The following PDE1C variants were observed in gnomAD, a reference collection of about 807,000 sequenced individuals.
PDE1C encodes phosphodiesterase 1C, also known as dual specificity calcium/calmodulin-dependent 3',5'-cyclic nucleotide phosphodiesterase 1C.
A neutral mutation model predicts 93.1 loss-of-function variants in PDE1C; 62 were observed. That is an observed-to-expected ratio of 0.67 (90% CI 0.54 to 0.82). The LOEUF is 0.82. PDE1C is among the 40% of genes least tolerant of loss of function. The pLI is 0.00. For synonymous variants in PDE1C, 325 were observed against 310.1 expected (o/e 1.05, Z -0.50); for missense variants, 742 against 884.6 (o/e 0.84, Z 2.04).
intron 16 of PDE1C, among the ~76,000 whole-genome samples, chr7:31,802,587 C>CAT (rs1786205987): frequency 1.3e-5 from 2 of 151,622 alleles, no homozygotes; most frequent in Non-Finnish European, 3.0e-5. Flanking sequence ...AAATTTCTTG[C>CAT]ATGGTGCGTC....
intron 3 of PDE1C, among the ~76,000 whole-genome samples, chr7:32,130,397 C>A (rs909090088): frequency 3.3e-5 from 5 of 152,172 alleles, no homozygotes; most frequent in South Asian, 2.1e-4. Flanking sequence ...TCCTCTCCTC[C>A]CTTTCTCTCC....
At chr7:31,646,752 C>T in the PDE1C span, among the ~76,000 whole-genome samples, 14 of 152,254 alleles carry the variant, frequency 9.2e-5, no homozygotes, top group African/African-American at 3.1e-4. Context: ...CAGTAACTGT[C>T]CTCAGACGTG....
At chr7:31,831,498 G>GCACA (rs56323846) in intron 11 of PDE1C, among the ~76,000 whole-genome samples, 2 of 148,978 alleles carry the variant, frequency 1.3e-5, no homozygotes, top group African/African-American at 5.0e-5. Flanking sequence ...ACACATGCAC[G>GCACA]CACACACACA....
At chr7:32,153,971 C>T (rs986565833) in intron 3 of PDE1C, among the ~76,000 whole-genome samples, 6 of 152,286 alleles carry the variant, frequency 3.9e-5, no homozygotes, top group East Asian at 3.9e-4. Context: ...TAAAAAAGTA[C>T]GGCCAGGCGC....
At chr7:31,691,797 T>TAAAAAAAAAA in the PDE1C span, among the ~76,000 whole-genome samples, 15 of 86,528 alleles carry the variant, frequency 1.7e-4, no homozygotes, top group African/African-American at 5.8e-4. Flanking sequence ...ATGTAATGAT[T>TAAAAAAAAAA]AAAAAAAAAA....
intron 2 of PDE1C, among the ~76,000 whole-genome samples, chr7:31,884,077 G>A (rs1191184689): frequency 6.6e-6 from 1 of 152,144 alleles, no homozygotes; most frequent in Admixed American, 6.6e-5. Context: ...TGTCTTTCCA[G>A]CTTATGAGAT....
At chr7:32,026,294 T>C (rs1181246119) in intron 2 of PDE1C, among the ~76,000 whole-genome samples, 3 of 152,158 alleles carry the variant, frequency 2.0e-5, no homozygotes, top group African/African-American at 7.2e-5. Flanking sequence ...CTGCAGCTTA[T>C]AGTTTTAGAT....
the PDE1C span, among the ~76,000 whole-genome samples, chr7:31,619,187 G>C: frequency 6.6e-6 from 1 of 152,194 alleles, no homozygotes; most frequent in Non-Finnish European, 1.5e-5. Context: ...GTACAGGCAA[G>C]GTGTCCTTTC....
At chr7:31,695,083 G>C in the PDE1C span, among the ~76,000 whole-genome samples, 1 of 152,120 alleles carries the variant, frequency 6.6e-6, no homozygotes, top group Non-Finnish European at 1.5e-5. Context: ...CTGGCCCTTG[G>C]GGTCTCCAAA....
intron 1 of PDE1C, among the ~76,000 whole-genome samples, chr7:32,329,277 TC>T (rs1264646163): frequency 6.6e-6 from 1 of 152,002 alleles, no homozygotes; most frequent in African/African-American, 2.4e-5. Flanking sequence ...GTTAAGCAGC[TC>T]TTTCACACTG....
At chr7:31,847,826 T>C in intron 9 of PDE1C, 142 bp downstream of exon 9, 1 of 783,108 alleles carries the variant, frequency 1.3e-6, no homozygotes, top group East Asian at 2.5e-5. Flanking sequence ...AAAGAGAGGG[T>C]GAGAGTGAGA....
rs116697846 is a variant in PDE1C, at chr7:31,817,862, G to T, written c.1583-1708C>A. Among the ~76,000 whole-genome samples, 562 of 152,254 alleles carry T rather than the reference G, an allele frequency of 3.7e-3. 4 individuals are homozygous for T. The highest frequency in any genetic ancestry group is 0.013 in the African/African-American group (537 of 41,558). On this transcript the variant is annotated intron_variant, in intron 14 of 17. Transcript: ENST00000396191. Reference sequence around the variant, plus strand: ...ACACGTTCACGAGGCTTTATGACATGTATTTTGTGAAAGTCTATGATATCT... The same window carrying T: ...ACACGTTCACGAGGCTTTATGACATTTATTTTGTGAAAGTCTATGATATCT...
At chr7:32,070,691 G>C, upstream of PDE1C, 2 of 1,256,426 alleles carry the variant, frequency 1.6e-6, no homozygotes, top group Non-Finnish European at 2.0e-6. Flanking sequence ...TTGGACTCCA[G>C]CTCCAAGAGA....
chr7:32,331,216 A>C (rs1562677160), intron 1 of PDE1C, among the ~76,000 whole-genome samples: 1 of 152,206 alleles, frequency 6.6e-6, no homozygotes, highest in East Asian at 1.9e-4. Flanking sequence ...CATCCTCAGA[A>C]GGATCCAAAA....
At chr7:31,777,703 T>C (rs1783108243) in intron 16 of PDE1C, among the ~76,000 whole-genome samples, 2 of 152,182 alleles carry the variant, frequency 1.3e-5, no homozygotes, top group Admixed American at 6.5e-5. Context: ...ACAAATGTTA[T>C]TGTTAATCAT....
At chr7:31,907,056 T>A (rs1357480663) in intron 2 of PDE1C, among the ~76,000 whole-genome samples, 1 of 128,200 alleles carries the variant, frequency 7.8e-6, no homozygotes, top group African/African-American at 2.6e-5. Flanking sequence ...AGCCAACCAT[T>A]TCTTGATATG....
the PDE1C span, among the ~76,000 whole-genome samples, chr7:31,670,214 C>T: frequency 6.6e-6 from 1 of 152,174 alleles, no homozygotes; most frequent in African/African-American, 2.4e-5. Context: ...GGAACATTTG[C>T]CAGTTGAGAA....
chr7:31,801,508 T>G (rs1312662300), intron 16 of PDE1C, among the ~76,000 whole-genome samples: 1 of 151,486 alleles, frequency 6.6e-6, no homozygotes, highest in African/African-American at 2.4e-5. Flanking sequence ...GGAATGCCAA[T>G]TATGTCAAGT....
chr7:32,053,185 A>G (rs1052264611), intron 1 of PDE1C, among the ~76,000 whole-genome samples: 1 of 152,186 alleles, frequency 6.6e-6, no homozygotes, highest in African/African-American at 2.4e-5. Context: ...TTCTTTGCAT[A>G]TAAAGTGGGA....
Sources: gnomAD v4.1 joint callset for allele counts (sites outside exome capture counted in the v4.1 genomes callset) on GRCh38, gnomAD v4.1.1 for gene constraint, MANE v1.5 for transcripts, NCBI Gene and HGNC (gene_info 2026-07-23, HGNC 2026-07-21) for gene names.